The following ANXA6 variants were observed in gnomAD, a reference collection of about 807,000 sequenced individuals.
ANXA6 encodes the protein annexin A6, also known as 67 kDa calelectrin.
A neutral mutation model predicts 95.4 loss-of-function variants in ANXA6; 71 were observed. The observed-to-expected ratio is 0.74, with a 90% CI of 0.61 to 0.91. The LOEUF is 0.91. Among genes scored for constraint, ANXA6 ranks in the 40% least tolerant of loss-of-function variants. The pLI is 0.00. For missense variants in ANXA6, 830 were observed against 876.4 expected, an observed-to-expected ratio of 0.95 and a Z score of 0.67; for synonymous variants, 289 against 315.9, an observed-to-expected ratio of 0.91 and a Z score of 0.90.
At chr5:151,128,346 C>G in intron 12 of ANXA6, 107 bp from the exon 13 acceptor site, 1 of 948,686 alleles carries the variant, frequency 1.1e-6, no homozygotes, top group African/African-American at 1.6e-5. Flanking sequence ...TGAATGAACA[C>G]TTATTCATAG....
At chr5:151,151,786 T>G (rs996733375) in intron 1 of ANXA6, among the ~76,000 whole-genome samples, 4 of 152,212 alleles carry the variant, frequency 2.6e-5, no homozygotes, top group African/African-American at 9.6e-5. Flanking sequence ...TTCATCACCT[T>G]GGTTGAAAGA....
intron 14 of ANXA6, among the ~76,000 whole-genome samples, chr5:151,125,136 C>T (rs188275460): frequency 2.6e-5 from 4 of 152,226 alleles, no homozygotes; most frequent in East Asian, 3.9e-4. Context: ...GCAGGAGGAT[C>T]GCTTGAGCCC....
chr5:151,114,634 A>G (rs1432357712), intron 20 of ANXA6, among the ~76,000 whole-genome samples: 1 of 149,374 alleles, frequency 6.7e-6, no homozygotes. Context: ...AAAAAAAAAA[A>G]AAAAAAAAAA....
chr5:151,125,778 C>T (rs1000655828), intron 14 of ANXA6, among the ~76,000 whole-genome samples: 10 of 152,170 alleles, frequency 6.6e-5, no homozygotes, highest in African/African-American at 9.7e-5. Flanking sequence ...TGTCCTAGAA[C>T]ATCAGAGCTC....
In ANXA6 at chr5:151,108,440, G is replaced by A. The variant is rs528941675; in HGVS notation, c.1780+15C>T. The stretch of plus-strand genomic sequence containing the variant: ...CCCAGTGCCCCCAGCCCTTCCCTTA[G>A]TCCCTGCCAGTTACCAATGGCCACA... On this transcript the variant is annotated intron_variant, in intron 23 of 25. Coordinates refer to ENST00000354546, the MANE Select transcript of ANXA6 (RefSeq NM_001155.5). 1.7e-5 allele frequency: 28 copies of A among 1,609,884 alleles called. No homozygotes were observed. The South Asian group carries it at 3.0e-4, about 17-fold the overall frequency.
At chr5:151,131,121 C>T (rs1765498834) in intron 11 of ANXA6, 110 bp downstream of exon 11, 1 of 1,169,006 alleles carries the variant, frequency 8.6e-7, no homozygotes, top group Admixed American at 1.8e-5. Flanking sequence ...CAGGGTCAGT[C>T]CTGTGGCCAT....
chr5:151,141,572 C>T lies in ANXA6; in HGVS notation c.19-1329G>A, dbSNP rs772904157. The T allele has an allele frequency of 4.4e-5, 43 of 985,328 alleles. 1 individual carries two copies. The highest frequency in any genetic ancestry group is 3.7e-4 in the Admixed American group (6 of 16,256). 61.0% of individuals were successfully genotyped at this position (985,328 alleles called of 1,614,324 possible). ...AGGTGGAGCAGAGTGAGTCCTGGAC[C>T]GCCTCCCCCTCTCCCCGTCTCCGTG... On this transcript the variant is annotated intron_variant, in intron 2 of 25. Coordinates refer to ENST00000354546, the MANE Select transcript of ANXA6 (RefSeq NM_001155.5).
In ANXA6 at chr5:151,140,243, C is replaced by A; in HGVS notation, c.19G>T (p.Gly7Cys). 6.2e-7 allele frequency: 1 copy of A among 1,613,778 alleles called. No individual in the cohort carries two copies. The change falls in exon 3 of 26, where the codon GGT becomes TGT. Residue 7 changes from glycine (G) to cysteine (C), a missense_variant and splice_region_variant. Gly to Cys is a radical substitution (Grantham distance 159, BLOSUM62 -3). Transcript: ENST00000354546. The stretch of plus-strand genomic sequence containing the variant: ...TGGATGGAGCCCCGGTACTTGGCAC[C>A]CTGTGGAGAAAAAAGTAGAGGGTGA... MAKPAQ[G>C]AKYRGSIHDF...
At chr5:151,101,578 C>G (rs1319089669) in intron 25 of ANXA6, 71 bp from the exon 26 acceptor site, 2 of 1,385,926 alleles carry the variant, frequency 1.4e-6, no homozygotes, top group Admixed American at 2.0e-5. Flanking sequence ...TCCCGGCTGC[C>G]CATCTGTCTG....
intron 20 of ANXA6, among the ~76,000 whole-genome samples, chr5:151,111,676 C>T (rs535904061): frequency 6.6e-6 from 1 of 152,206 alleles, no homozygotes; most frequent in Non-Finnish European, 1.5e-5. Context: ...GCAACCTTGA[C>T]CTCCTGGGCT....
Position 151,100,739 on chromosome 5 carries a change from C to A in ANXA6, c.*709G>T. The A allele has an allele frequency of 2.6e-6, 1 of 385,722 alleles. No individual in the cohort carries two copies. The highest frequency in any genetic ancestry group is 3.1e-5 in the Admixed American group (1 of 31,858). The allele number at this position is 385,722 out of a possible 1,614,324, so 23.9% of individuals were successfully genotyped here. ...TGTGTTTGTGTATCTCTTTTTATTT[C>A]TTCCTTAGAAATAAAAAGTGTCAAG... On this transcript the variant is annotated 3_prime_UTR_variant, in exon 26 of 26. Transcript: ENST00000354546.
chr5:151,155,340 G>A (rs376713621), intron 1 of ANXA6: 39 of 152,230 alleles, frequency 2.6e-4, no homozygotes, highest in African/African-American at 9.4e-4. Context: ...ACACCCTTTT[G>A]AGATAACACA....
intron 5 of ANXA6, among the ~76,000 whole-genome samples, chr5:151,138,110 A>G (rs547311404): frequency 1.8e-4 from 27 of 152,330 alleles, no homozygotes; most frequent in South Asian, 6.2e-4. Context: ...GACAAAGATC[A>G]TAGCACTTTA....
chr5:151,156,244 T>G (rs1187777374), intron 1 of ANXA6, among the ~76,000 whole-genome samples: 1 of 152,180 alleles, frequency 6.6e-6, no homozygotes, highest in East Asian at 1.9e-4. Context: ...CTTAGAACAG[T>G]TGAATCCTAG....
At chr5:151,129,317 A>G (rs2113927599) in intron 12 of ANXA6, 90 bp downstream of exon 12, 3 of 1,526,030 alleles carry the variant, frequency 2.0e-6, no homozygotes, top group South Asian at 2.4e-5. Context: ...ACTTCCTAGG[A>G]CATTTCCTTT....
chr5:151,133,080 T>C lies in ANXA6; in HGVS notation c.640+14A>G, dbSNP rs1251859123. 3 of 1,573,096 alleles carry C rather than the reference T, an allele frequency of 1.9e-6. No individual in the cohort carries two copies. Among genetic ancestry groups the C allele is most frequent in the Non-Finnish European group, 2.6e-6 (3 of 1,155,576 alleles). On this transcript the variant is annotated intron_variant, in intron 9 of 25. Coordinates refer to ENST00000354546, the MANE Select transcript of ANXA6 (RefSeq NM_001155.5). ...AACCCAAGGGAGCAGCTTCAGGTCT[T>C]CTCTGGAGCTTACCCAACCGAAGAT...
At chr5:151,152,291 A>C (rs1766126640) in intron 1 of ANXA6, among the ~76,000 whole-genome samples, 1 of 152,238 alleles carries the variant, frequency 6.6e-6, no homozygotes, top group Non-Finnish European at 1.5e-5. Context: ...GCACACAGTA[A>C]AGGCTCAATA....
chr5:151,156,617 A>G (rs1196427753), intron 1 of ANXA6, among the ~76,000 whole-genome samples: 6 of 152,152 alleles, frequency 3.9e-5, no homozygotes, highest in African/African-American at 1.4e-4. Flanking sequence ...CCCGGGAGCC[A>G]TATGTCCAAA....
chr5:151,113,327 G>A (rs371972673), intron 20 of ANXA6, among the ~76,000 whole-genome samples: 7 of 152,028 alleles, frequency 4.6e-5, no homozygotes, highest in East Asian at 1.9e-4. Flanking sequence ...ACTTGAATCC[G>A]GGAGGTGGAG....
Sources: allele counts gnomAD v4.1 joint callset (sites outside exome capture counted in the v4.1 genomes callset), GRCh38; gene constraint gnomAD v4.1.1; transcripts MANE v1.5; gene names NCBI Gene and HGNC (gene_info 2026-07-23, HGNC 2026-07-21).